Variants in NT5DC4 observed in about 807,000 individuals in gnomAD.
NT5DC4 encodes the protein 5'-nucleotidase domain-containing protein 4.
A neutral mutation model predicts 26.6 loss-of-function variants in NT5DC4; 44 were observed. The observed-to-expected ratio is 1.65, with a 90% CI of 1.30 to 2.13. NT5DC4 has a LOEUF of 2.13. Among genes scored for constraint, NT5DC4 ranks in the 30% most tolerant of loss-of-function variants. NT5DC4 has a pLI of 0.00. For synonymous variants in NT5DC4, 157 were observed against 86.7 expected (o/e 1.81, Z -4.51); for missense variants, 399 against 228.1 (o/e 1.75, Z -4.83).
chr2:112,726,708 A>G lies in NT5DC4; in HGVS notation c.1236A>G (p.Gln412=). The G allele has an allele frequency of 8.4e-6, 6 of 717,540 alleles. No homozygotes were observed. The highest frequency in any genetic ancestry group is 1.6e-5 in the Non-Finnish European group (6 of 385,098). The allele number at this position is 717,540 out of a possible 1,614,324, so 44.4% of individuals were successfully genotyped here. Residue 412 remains glutamine (Q), a synonymous_variant, in exon 15 of 17, where the codon CAA becomes CAG. Coordinates refer to ENST00000688554, the MANE Select transcript of NT5DC4 (RefSeq NM_001393655.1). Reference sequence around the variant, plus strand: ...TGGATGGGAGCAGTTGTGAGCTGCAAGTCATCAACTTCACCAAGAGAGAGA... The same window carrying G: ...TGGATGGGAGCAGTTGTGAGCTGCAGGTCATCAACTTCACCAAGAGAGAGA... ...QHMDGSSCEL[Q]VINFTKREIQ...
Position 112,734,921 on chromosome 2 carries a change from C to T in NT5DC4, c.1345-3992C>T, listed in dbSNP as rs551878130. 2.6e-5 allele frequency among the ~76,000 whole-genome samples: 4 copies of T among 151,640 alleles called. No homozygotes were observed. In the South Asian group the frequency reaches 8.3e-4, roughly 32 times the overall value. On this transcript the variant is annotated intron_variant, in intron 16 of 16. Coordinates refer to ENST00000688554, the MANE Select transcript of NT5DC4 (RefSeq NM_001393655.1). ...GCCAGGCTGGTCTTGAACTCTTGGCCTCAAGTGATCTGCTCACCTCGGCCT... is the reference window on the plus strand; with the variant it reads ...GCCAGGCTGGTCTTGAACTCTTGGCTTCAAGTGATCTGCTCACCTCGGCCT...
downstream of NT5DC4, chr2:112,740,935 G>A: frequency 6.2e-7 from 1 of 1,613,908 alleles, no homozygotes; most frequent in Middle Eastern, 1.6e-4. Context: ...AGACTTCACA[G>A]ATTCCATCTT....
chr2:112,723,539 C>T (rs1677254821), intron 8 of NT5DC4, 71 bp downstream of exon 8: 2 of 708,212 alleles, frequency 2.8e-6, no homozygotes, highest in Non-Finnish European at 5.3e-6. Context: ...CAACCCTTCT[C>T]TGGCTTTCTT....
rs1455236367 is a variant in NT5DC4 at position 112,726,276 on chromosome 2, G to T, written c.1192G>T (p.Ala398Ser). ...EELKRLDTHL[A>S]DIYQHMDGSS... ...GCTGAAGAGACTGGACACGCACCTG[G>T]CAGACATATACCAGTGAGACCCTGG... The change falls in exon 14 of 17, where the codon GCA (alanine) becomes TCA (serine). Residue 398 changes from alanine (A) to serine (S), a missense_variant. By Grantham distance (99) the Ala-to-Ser change is moderately conservative (BLOSUM62 1). Transcript: ENST00000688554. 3 of 717,344 alleles carry T rather than the reference G, an allele frequency of 4.2e-6. No homozygotes were observed. The highest frequency in any genetic ancestry group is 7.8e-6 in the Non-Finnish European group (3 of 385,014). The allele number at this position is 717,344 out of a possible 1,614,324, so 44.4% of individuals were successfully genotyped here.
At chr2:112,735,193 AC>A (rs1381815114) in intron 16 of NT5DC4, among the ~76,000 whole-genome samples, 1 of 149,542 alleles carries the variant, frequency 6.7e-6, no homozygotes, top group East Asian at 2.0e-4. Context: ...ACAGGTGCGT[AC>A]CCCCACGCCT....
intron 6 of NT5DC4, 51 bp downstream of exon 6, chr2:112,722,822 A>T: frequency 1.6e-6 from 1 of 625,324 alleles, no homozygotes; most frequent in Non-Finnish European, 3.0e-6. Context: ...GACACTGCTC[A>T]GGGACCAAAC....
At chr2:112,721,658 A>G (rs1558719025) in intron 1 of NT5DC4, 160 bp from the exon 2 acceptor site, 7 of 716,100 alleles carry the variant, frequency 9.8e-6, no homozygotes, top group Non-Finnish European at 1.8e-5. Context: ...ACATGGGTCC[A>G]GGCAGGGCCC....
chr2:112,726,287 C>G lies in NT5DC4; in HGVS notation c.1203C>G (p.Tyr401Ter). ...TGGACACGCACCTGGCAGACATATACCAGTGAGACCCTGGCCTTTCTGGGG... is the reference window on the plus strand; with the variant it reads ...TGGACACGCACCTGGCAGACATATAGCAGTGAGACCCTGGCCTTTCTGGGG... ...KRLDTHLADI[Y>*]QHMDGSSCEL... Residue 401 changes from tyrosine (Y) to a stop codon, truncating the protein, a stop_gained and splice_region_variant, in exon 14 of 17, where the codon TAC (tyrosine) becomes TAG (stop). Coordinates refer to ENST00000688554, the MANE Select transcript of NT5DC4 (RefSeq NM_001393655.1). LOFTEE classifies it high-confidence loss of function. 2.8e-6 allele frequency: 2 copies of G among 717,278 alleles called. No individual in the cohort carries two copies. The highest frequency in any genetic ancestry group is 2.6e-6 in the Non-Finnish European group (1 of 384,998). 44.4% of individuals were successfully genotyped at this position (717,278 alleles called of 1,614,324 possible).
intron 15 of NT5DC4, among the ~76,000 whole-genome samples, chr2:112,728,569 T>C (rs1173245326): frequency 6.6e-6 from 1 of 152,162 alleles, no homozygotes; most frequent in Non-Finnish European, 1.5e-5. Flanking sequence ...CAGTTTAGGA[T>C]CTGAACTTGA....
In NT5DC4 at chr2:112,724,203, T is replaced by C; in HGVS notation, c.789+77T>C. Reference sequence around the variant, plus strand: ...AGGGTGCCAGGCTGCACCACGATGCTGAGGGCCTCTCCCACGTCCAGCCTC... The same window carrying C: ...AGGGTGCCAGGCTGCACCACGATGCCGAGGGCCTCTCCCACGTCCAGCCTC... On this transcript the variant is annotated intron_variant, in intron 10 of 16. Transcript: ENST00000688554. 7.0e-6 allele frequency: 5 copies of C among 713,932 alleles called. No homozygotes were observed. In the South Asian group the frequency reaches 7.4e-5, roughly 11 times the overall value. 44.2% of individuals were successfully genotyped at this position (713,932 alleles called of 1,614,324 possible).
chr2:112,719,463 G>C (rs943242766), upstream of NT5DC4, among the ~76,000 whole-genome samples: 1 of 147,872 alleles, frequency 6.8e-6, no homozygotes, highest in African/African-American at 2.5e-5. Context: ...TGCTGAAACC[G>C]ACTGTAAACT....
At position 112,728,033 on chromosome 2, in the gene NT5DC4, A is replaced by G. The variant is rs140760530; in HGVS notation, c.1266+1295A>G. Among the ~76,000 whole-genome samples the G allele has an allele frequency of 4.7e-3, 723 of 152,336 alleles. 6 individuals are homozygous for G. Among genetic ancestry groups the G allele is most frequent in the African/African-American group, 0.016 (678 of 41,580 alleles). On this transcript the variant is annotated intron_variant, in intron 15 of 16. Transcript: ENST00000688554. ...GTGAACATTTATCCTAGAAGGACCC[A>G]CTGGTCCCCAGCCTTGCTAGGAGCT...
upstream of NT5DC4, among the ~76,000 whole-genome samples, chr2:112,721,003 G>A (rs1250391066): frequency 1.3e-5 from 2 of 152,198 alleles, no homozygotes; most frequent in African/African-American, 4.8e-5. Flanking sequence ...TGAGGGAGAG[G>A]AGAGTGGCTG....
In NT5DC4 at chr2:112,725,693, AACAG is replaced by A. The variant is rs2104744300; in HGVS notation, c.1153+145_1153+148del. ...CCACTCTGTTGTTTCTGAGGGAGGA[AACAG>A]ACAAAGACATACAGACCCAGAGAGG... On this transcript the variant is annotated intron_variant, in intron 13 of 16. Transcript: ENST00000688554. The A allele has an allele frequency of 5.5e-6, 3 of 548,906 alleles. No individual in the cohort carries two copies. In the South Asian group the frequency reaches 7.8e-5, roughly 14 times the overall value. 34.0% of individuals were successfully genotyped at this position (548,906 alleles called of 1,614,324 possible).
In NT5DC4 at chr2:112,734,169, A is replaced by ATATGTGTGTGTGTGTGTG. The variant is rs150412692; in HGVS notation, c.1344+4466_1344+4467insATGTGTGTGTGTGTGTGT. Among the ~76,000 whole-genome samples the ATATGTGTGTGTGTGTGTG allele has an allele frequency of 3.3e-3, 439 of 134,856 alleles. 3 individuals carry two copies. The highest frequency in any genetic ancestry group is 6.3e-3 in the South Asian group (25 of 3,992). The allele number at this position is 134,856 out of a possible 152,430, so 88.5% of individuals were successfully genotyped here. A position where few individuals can be genotyped will look rare whatever the true frequency, so the allele number is the denominator to read the frequency against. On this transcript the variant is annotated intron_variant, in intron 16 of 16. Coordinates refer to ENST00000688554, the MANE Select transcript of NT5DC4 (RefSeq NM_001393655.1). Reference sequence around the variant, plus strand: ...AAGTGTTTTCTATGCTATTATATATATGTGTGTGTGTGTGTGTGTGTGTGT... The same window carrying ATATGTGTGTGTGTGTGTG: ...AAGTGTTTTCTATGCTATTATATATATATGTGTGTGTGTGTGTGTGTGTGTGTGTGTGTGTGTGTGTGT...
chr2:112,742,743 A>G (rs138538433), downstream of NT5DC4: 105 of 1,609,718 alleles, frequency 6.5e-5, no homozygotes, highest in East Asian at 6.5e-4. Flanking sequence ...AGATATTAAG[A>G]ACAACTTTCC....
At chr2:112,724,688 T>C in intron 10 of NT5DC4, 93 bp from the exon 11 acceptor site, 1 of 679,402 alleles carries the variant, frequency 1.5e-6, no homozygotes, top group East Asian at 2.7e-5. Flanking sequence ...GCTGGGAGGT[T>C]GGTGGGGAGA....
At chr2:112,719,986 CTT>C (rs1458207443), upstream of NT5DC4, among the ~76,000 whole-genome samples, 22 of 75,306 alleles carry the variant, frequency 2.9e-4, no homozygotes, top group South Asian at 1.1e-3. Context: ...TTCTTTCTTT[CTT>C]TTTCTTTTCT....
Position 112,725,421 on chromosome 2 carries a change from G to T in NT5DC4, c.1022G>T (p.Gly341Val). 1.4e-6 allele frequency: 1 copy of T among 715,840 alleles called. No homozygotes were observed. The highest frequency in any genetic ancestry group is 2.6e-6 in the Non-Finnish European group (1 of 383,876). The allele number at this position is 715,840 out of a possible 1,614,324, so 44.3% of individuals were successfully genotyped here. A position where few individuals can be genotyped will look rare whatever the true frequency, so the allele number is the denominator to read the frequency against. ...GTGTGCGAGCTGCTTGGGGTTCGGG[G>T]GATGGACATCCTGTACATTGGGGAC... Reference protein sequence around the residue: ...DMVCELLGVRGMDILYIGDHI... With the variant: ...DMVCELLGVRVMDILYIGDHI... The change falls in exon 13 of 17, where the codon GGG (glycine) becomes GTG (valine). Residue 341 changes from glycine (G) to valine (V), a missense_variant. Coordinates refer to ENST00000688554, the MANE Select transcript of NT5DC4 (RefSeq NM_001393655.1).
Sources: allele counts gnomAD v4.1 joint callset (sites outside exome capture counted in the v4.1 genomes callset), GRCh38; gene constraint gnomAD v4.1.1; transcripts MANE v1.5; gene names NCBI Gene and HGNC (gene_info 2026-07-23, HGNC 2026-07-21).